GRID2: variants seen among roughly 807,000 people sequenced by gnomAD.
GRID2 encodes glutamate ionotropic receptor delta type subunit 2.
In GRID2, 33 loss-of-function variants were observed where a neutral mutation model predicts 114.8. The observed-to-expected ratio is 0.29, with a 90% CI of 0.22 to 0.38. The LOEUF (loss-of-function observed/expected upper bound fraction) is 0.38. GRID2 is among the 10% of genes least tolerant of loss of function. The probability of loss-of-function intolerance (pLI) is 1.00; values close to 1 mark genes in which losing one functional copy is unlikely to be tolerated. For synonymous variants in GRID2, 505 were observed against 449.9 expected, an observed-to-expected ratio of 1.12 and a Z score of -1.55; for missense variants, 1,184 against 1,257.7, an observed-to-expected ratio of 0.94 and a Z score of 0.89.
At chr4:92,864,281 G>T (rs1744715970) in intron 2 of GRID2, among the ~76,000 whole-genome samples, 1 of 152,186 alleles carries the variant, frequency 6.6e-6, no homozygotes, top group South Asian at 2.1e-4. Flanking sequence ...CATGGGAAAA[G>T]AAGTTCTTTT....
chr4:92,414,288 C>T (rs982549668), intron 1 of GRID2, among the ~76,000 whole-genome samples: 14 of 152,098 alleles, frequency 9.2e-5, no homozygotes, highest in Non-Finnish European at 1.6e-4. Flanking sequence ...TTCAGATAGC[C>T]GTGCATCTTC....
intron 1 of GRID2, among the ~76,000 whole-genome samples, chr4:92,306,696 A>G (rs1725425752): frequency 6.6e-6 from 1 of 152,206 alleles, no homozygotes; most frequent in Admixed American, 6.5e-5. Context: ...TTATTTTGCA[A>G]TGCAGTCTGG....
At chr4:93,632,370 A>T (rs1257096416) in intron 14 of GRID2, among the ~76,000 whole-genome samples, 1 of 152,190 alleles carries the variant, frequency 6.6e-6, no homozygotes, top group Non-Finnish European at 1.5e-5. Context: ...GAAGTCTTTG[A>T]TCCATCTTGA....
intron 1 of GRID2, among the ~76,000 whole-genome samples, chr4:92,412,073 T>C (rs1731364770): frequency 6.6e-6 from 1 of 151,728 alleles, no homozygotes; most frequent in African/African-American, 2.4e-5. Context: ...CTATACATTT[T>C]TATTTTCAAT....
chr4:93,539,996 C>A (rs1327428068), intron 13 of GRID2, among the ~76,000 whole-genome samples: 1 of 151,872 alleles, frequency 6.6e-6, no homozygotes, highest in Non-Finnish European at 1.5e-5. Flanking sequence ...TACTTTACTT[C>A]AATTATCTAT....
At chr4:93,745,515 T>TTTGGAGG (rs1731769664) in intron 14 of GRID2, among the ~76,000 whole-genome samples, 2 of 152,064 alleles carry the variant, frequency 1.3e-5, no homozygotes. Context: ...TTTTTGGAGA[T>TTTGGAGG]AAGAGTACCA....
chr4:92,739,047 C>A (rs1736740026), intron 2 of GRID2, among the ~76,000 whole-genome samples: 1 of 152,040 alleles, frequency 6.6e-6, no homozygotes, highest in East Asian at 1.9e-4. Flanking sequence ...AACAGATATT[C>A]GAAGAACAAA....
intron 2 of GRID2, among the ~76,000 whole-genome samples, chr4:92,809,957 G>C (rs73837351): frequency 8.7e-4 from 132 of 152,046 alleles, no homozygotes; most frequent in African/African-American, 3.1e-3. Flanking sequence ...CGTTGGTCCT[G>C]TTCACTTTTC....
chr4:93,020,520 A>G (rs537864736), intron 2 of GRID2, among the ~76,000 whole-genome samples: 1 of 152,300 alleles, frequency 6.6e-6, no homozygotes, highest in South Asian at 2.1e-4. Context: ...GTAAAAAAAC[A>G]TAGTTTTGCA....
At chr4:92,763,427 G>A (rs1043147249) in intron 2 of GRID2, among the ~76,000 whole-genome samples, 2 of 151,922 alleles carry the variant, frequency 1.3e-5, no homozygotes, top group Non-Finnish European at 2.9e-5. Context: ...ACCAAATGTG[G>A]CTCAAACATA....
chr4:93,734,905 G>A (rs901214487), intron 14 of GRID2, among the ~76,000 whole-genome samples: 1 of 152,002 alleles, frequency 6.6e-6, no homozygotes. Flanking sequence ...ATTTCATGGG[G>A]TAACAAAAGC....
At chr4:93,633,491 T>G (rs1256377479) in intron 14 of GRID2, among the ~76,000 whole-genome samples, 1 of 152,138 alleles carries the variant, frequency 6.6e-6, no homozygotes, top group Non-Finnish European at 1.5e-5. Flanking sequence ...CTTTCTTGTT[T>G]AGCATGCAGT....
chr4:92,449,767 C>A (rs1251987331), intron 1 of GRID2, among the ~76,000 whole-genome samples: 7 of 144,930 alleles, frequency 4.8e-5, no homozygotes, highest in African/African-American at 7.7e-5. Flanking sequence ...CTAGAAGCTT[C>A]ATTAACTCTT....
At chr4:93,768,723 A>G (rs762224414) in intron 14 of GRID2, among the ~76,000 whole-genome samples, 2 of 152,226 alleles carry the variant, frequency 1.3e-5, no homozygotes, top group Non-Finnish European at 2.9e-5. Flanking sequence ...TGTGTGTAGC[A>G]TATGCTGGGT....
chr4:93,303,792 TG>T (rs1331159225), intron 8 of GRID2, among the ~76,000 whole-genome samples: 1 of 152,194 alleles, frequency 6.6e-6, no homozygotes, highest in East Asian at 1.9e-4. Flanking sequence ...CTTACAGAAC[TG>T]GTTTAGATTA....
At chr4:93,372,657 ACTGT>A (rs528656098) in intron 8 of GRID2, among the ~76,000 whole-genome samples, 258 of 152,134 alleles carry the variant, frequency 1.7e-3, no homozygotes, top group African/African-American at 4.7e-3. Flanking sequence ...ACCATTTTTC[ACTGT>A]CTATTTTCCA....
At chr4:92,585,782 A>C (rs1728406589) in intron 1 of GRID2, among the ~76,000 whole-genome samples, 1 of 151,836 alleles carries the variant, frequency 6.6e-6, no homozygotes, top group African/African-American at 2.4e-5. Flanking sequence ...AAGACACAAA[A>C]TTTTCAATAT....
chr4:92,756,147 C>A (rs1737711230), intron 2 of GRID2, among the ~76,000 whole-genome samples: 1 of 152,090 alleles, frequency 6.6e-6, no homozygotes, highest in East Asian at 1.9e-4. Context: ...TCTCTACCTC[C>A]ATGAGATCAA....
At chr4:93,657,118 A>C (rs1578494244) in intron 14 of GRID2, among the ~76,000 whole-genome samples, 2 of 152,212 alleles carry the variant, frequency 1.3e-5, no homozygotes, top group South Asian at 4.1e-4. Flanking sequence ...TACATTGATA[A>C]CATCTATTTA....
Sources: gnomAD v4.1 joint callset for allele counts (sites outside exome capture counted in the v4.1 genomes callset) on GRCh38, gnomAD v4.1.1 for gene constraint, MANE v1.5 for transcripts, NCBI Gene and HGNC (gene_info 2026-07-23, HGNC 2026-07-21) for gene names.